The following TSPAN14 variants were observed in gnomAD, a reference collection of about 807,000 sequenced individuals.
TSPAN14 encodes tetraspanin-14.
TSPAN14 carries 16 observed loss-of-function variants against 36.6 expected under a neutral mutation model. The ratio of observed to expected loss-of-function variants is 0.44; its 90% confidence interval spans 0.30 to 0.66. The LOEUF (loss-of-function observed/expected upper bound fraction) is 0.66, where lower values mean the gene tolerates loss of function less well. Among genes scored for constraint, TSPAN14 ranks in the 30% least tolerant of loss-of-function variants. The probability of loss-of-function intolerance (pLI) is 0.12; values close to 1 mark genes in which losing one functional copy is unlikely to be tolerated. For synonymous variants in TSPAN14, 139 were observed against 143.8 expected, an observed-to-expected ratio of 0.97 and a Z score of 0.24; for missense variants, 231 against 355.1, an observed-to-expected ratio of 0.65 and a Z score of 2.81.
intron 1 of TSPAN14, among the ~76,000 whole-genome samples, chr10:80,477,219 C>T (rs1020914877): frequency 3.9e-5 from 6 of 152,156 alleles, no homozygotes; most frequent in African/African-American, 7.2e-5. Context: ...TCAGATGATC[C>T]CCCTATGTTA....
In TSPAN14 at chr10:80,512,338, C is replaced by G. The variant is rs564528099; in HGVS notation, c.576+69C>G. ...AAGCCCAGAAGCTTTCCTGACTCCT[C>G]CAGTGCTCTAGGATACTTCTCTGTC... On this transcript the variant is annotated intron_variant, in intron 6 of 8. Transcript: ENST00000429989. 2.5e-6 allele frequency: 4 copies of G among 1,588,466 alleles called. No individual in the cohort carries two copies. The Admixed American group carries it at 5.2e-5, about 21-fold the overall frequency.
chr10:80,516,619 A>G (rs1471199384), intron 8 of TSPAN14, among the ~76,000 whole-genome samples: 2 of 152,164 alleles, frequency 1.3e-5, no homozygotes, highest in Non-Finnish European at 2.9e-5. Context: ...AGAGGGCCCA[A>G]TGGGCTGCAG....
At chr10:80,504,351 A>G (rs1486893469) in intron 2 of TSPAN14, among the ~76,000 whole-genome samples, 1 of 152,080 alleles carries the variant, frequency 6.6e-6, no homozygotes, top group African/African-American at 2.4e-5. Flanking sequence ...CTCTGAGGGG[A>G]CCTGGGTCAG....
At chr10:80,458,011 T>C (rs116683949) in intron 1 of TSPAN14, among the ~76,000 whole-genome samples, 1,682 of 152,264 alleles carry the variant, frequency 0.011, 29 homozygotes, top group African/African-American at 0.038. Flanking sequence ...GCCTTTAAGA[T>C]GCCTATGGGA....
At chr10:80,470,872 C>G (rs1055106178) in intron 1 of TSPAN14, among the ~76,000 whole-genome samples, 1 of 152,040 alleles carries the variant, frequency 6.6e-6, no homozygotes, top group Non-Finnish European at 1.5e-5. Context: ...ACTGAAGGCT[C>G]TGTTAATAAT....
intron 8 of TSPAN14, 129 bp downstream of exon 8, chr10:80,516,452 C>A: frequency 7.4e-7 from 1 of 1,342,654 alleles, no homozygotes; most frequent in African/African-American, 1.5e-5. Context: ...AAAAGGGATT[C>A]AACTGGATGT....
At chr10:80,483,734 C>A (rs1847419866) in intron 1 of TSPAN14, among the ~76,000 whole-genome samples, 1 of 151,578 alleles carries the variant, frequency 6.6e-6, no homozygotes, top group Admixed American at 6.6e-5. Flanking sequence ...CATGGTGAAA[C>A]TCCTGTCTCT....
At chr10:80,487,373 C>T (rs1847669537) in intron 1 of TSPAN14, among the ~76,000 whole-genome samples, 2 of 152,058 alleles carry the variant, frequency 1.3e-5, no homozygotes, top group African/African-American at 4.8e-5. Flanking sequence ...CCAACGCAGA[C>T]CTTCTTACCA....
intron 7 of TSPAN14, 86 bp from the exon 8 acceptor site, chr10:80,516,118 C>G: frequency 1.3e-6 from 2 of 1,599,300 alleles, no homozygotes; most frequent in Non-Finnish European, 1.7e-6. Flanking sequence ...CCTGCTTTGC[C>G]CTGCTCCTTA....
chr10:80,489,157 T>C, intron 1 of TSPAN14, 60 bp from the exon 2 acceptor site: 1 of 1,152,792 alleles, frequency 8.7e-7, no homozygotes, highest in Non-Finnish European at 1.3e-6. Context: ...TATGAGCTGG[T>C]TTGGGGGAAA....
At chr10:80,456,231 C>G (rs1845729560) in intron 1 of TSPAN14, among the ~76,000 whole-genome samples, 1 of 152,108 alleles carries the variant, frequency 6.6e-6, no homozygotes, top group African/African-American at 2.4e-5. Context: ...CTCAGCGTAG[C>G]AGGATCATTT....
At chr10:80,510,747 A>C (rs559200783) in intron 5 of TSPAN14, among the ~76,000 whole-genome samples, 1 of 151,842 alleles carries the variant, frequency 6.6e-6, no homozygotes, top group African/African-American at 2.4e-5. Flanking sequence ...GGCGGTGGGC[A>C]CCTGTAGTCC....
intron 1 of TSPAN14, among the ~76,000 whole-genome samples, chr10:80,487,041 A>C (rs574298856): frequency 8.5e-5 from 13 of 152,306 alleles, no homozygotes; most frequent in African/African-American, 3.1e-4. Context: ...GGGCAACATA[A>C]CATAGTGAGA....
chr10:80,517,771 G>A, intron 8 of TSPAN14, 134 bp from the exon 9 acceptor site: 4 of 839,668 alleles, frequency 4.8e-6, no homozygotes, highest in South Asian at 1.6e-5. Flanking sequence ...CTGCGGTGCT[G>A]TCTCTACGTC....
intron 1 of TSPAN14, chr10:80,466,302 G>A (rs1846241685): frequency 6.6e-6 from 1 of 152,206 alleles, no homozygotes; most frequent in Non-Finnish European, 1.5e-5. Context: ...TGCCCAGGCT[G>A]GAGTGTAGTG....
At chr10:80,489,372 G>A (rs1847801955) in intron 2 of TSPAN14, 58 bp downstream of exon 2, 1 of 1,204,536 alleles carries the variant, frequency 8.3e-7, no homozygotes, top group South Asian at 1.3e-5. Flanking sequence ...GTAAATTATG[G>A]TTTTCCACAC....
chr10:80,476,721 ATTTTT>A (rs1184763052), intron 1 of TSPAN14, among the ~76,000 whole-genome samples: 1 of 151,472 alleles, frequency 6.6e-6, no homozygotes, highest in Admixed American at 6.6e-5. Context: ...TACTTGTATC[ATTTTT>A]TGTTTTGTTT....
chr10:80,498,791 C>T (rs563542055), intron 2 of TSPAN14, among the ~76,000 whole-genome samples: 56 of 152,224 alleles, frequency 3.7e-4, no homozygotes, highest in Non-Finnish European at 6.3e-4. Context: ...TCTTTACAAC[C>T]TTCCTGTGAC....
At chr10:80,519,458 T>C (rs1027770098) in exon 9 of TSPAN14, 1 of 152,616 alleles carries the variant, frequency 6.6e-6, no homozygotes, top group Non-Finnish European at 1.5e-5. Context: ...GCAACCTTAA[T>C]TTACTTGCCG....
Sources: gnomAD v4.1 joint callset for allele counts (sites outside exome capture counted in the v4.1 genomes callset) on GRCh38, gnomAD v4.1.1 for gene constraint, MANE v1.5 for transcripts, NCBI Gene and HGNC (gene_info 2026-07-23, HGNC 2026-07-21) for gene names.